The following LEPROTL1 variants were observed in gnomAD, a reference collection of about 807,000 sequenced individuals.
The protein encoded by LEPROTL1 is leptin receptor overlapping transcript like 1.
Under a neutral mutation model 15.4 loss-of-function variants are expected in LEPROTL1, and 6 were observed. That is an observed-to-expected ratio of 0.39 (90% CI 0.21 to 0.77). The LOEUF is 0.77. LEPROTL1 is among the 30% of genes least tolerant of loss of function. LEPROTL1 has a pLI of 0.41. For synonymous variants in LEPROTL1, 56 were observed against 52.6 expected (o/e 1.06, Z -0.28); for missense variants, 128 against 158.1 (o/e 0.81, Z 1.02).
chr8:30,132,068 G>C (rs144819499), intron 3 of LEPROTL1: 3 of 1,551,684 alleles, frequency 1.9e-6, no homozygotes, highest in Non-Finnish European at 2.6e-6. Flanking sequence ...TCCACAGCCA[G>C]CATGATGTAG....
In LEPROTL1 at chr8:30,108,058, A is replaced by C. The variant is rs2117491337; in HGVS notation, c.*2196A>C. The C allele has an allele frequency of 2.3e-6, 2 of 871,494 alleles. No homozygotes were observed. The highest frequency in any genetic ancestry group is 1.4e-6 in the Non-Finnish European group (1 of 726,340). The allele number at this position is 871,494 out of a possible 1,614,324, so 54.0% of individuals were successfully genotyped here. A position where few individuals can be genotyped will look rare whatever the true frequency, so the allele number is the denominator to read the frequency against. ...TTGATGATGAAACAATAAAGATTTT[A>C]AATATCTATTTTAGTTTGTGGGTGT... On this transcript the variant is annotated 3_prime_UTR_variant, in exon 4 of 4. Coordinates refer to ENST00000321250, the MANE Select transcript of LEPROTL1 (RefSeq NM_015344.3).
intron 3 of LEPROTL1, among the ~76,000 whole-genome samples, chr8:30,121,407 C>A (rs1441594539): frequency 6.6e-6 from 1 of 152,124 alleles, no homozygotes; most frequent in South Asian, 2.1e-4. Flanking sequence ...CACCCGCCAC[C>A]ACGCCAGGCT....
chr8:30,134,811 G>T (rs546185872), intron 4 of LEPROTL1, among the ~76,000 whole-genome samples: 1 of 152,112 alleles, frequency 6.6e-6, no homozygotes, highest in African/African-American at 2.4e-5. Flanking sequence ...GCCTCCCAAA[G>T]TGCTAGGATT....
At chr8:30,128,903 T>A (rs1039396215) in intron 3 of LEPROTL1, among the ~76,000 whole-genome samples, 10 of 152,054 alleles carry the variant, frequency 6.6e-5, no homozygotes, top group Non-Finnish European at 1.3e-4. Flanking sequence ...TTTCTTTTTT[T>A]TTTTTTGAGA....
At chr8:30,097,698 T>A (rs55882307) in intron 1 of LEPROTL1, among the ~76,000 whole-genome samples, 1 of 108,796 alleles carries the variant, frequency 9.2e-6, no homozygotes, top group Non-Finnish European at 1.8e-5. Context: ...TATATATATA[T>A]ACACACACAC....
Position 30,106,750 on chromosome 8 carries a change from A to G in LEPROTL1, c.*888A>G, listed in dbSNP as rs1802575502. ...TTCATGTTTTACCCTGTTAAAATGG[A>G]CATACATGGAACCACTACTGATGAG... On this transcript the variant is annotated 3_prime_UTR_variant, in exon 4 of 4. Coordinates refer to ENST00000321250, the MANE Select transcript of LEPROTL1 (RefSeq NM_015344.3). 1.0e-6 allele frequency: 1 copy of G among 985,028 alleles called. No individual in the cohort carries two copies. Among genetic ancestry groups the G allele is most frequent in the Non-Finnish European group, 1.2e-6 (1 of 829,188 alleles). The allele number at this position is 985,028 out of a possible 1,614,324, so 61.0% of individuals were successfully genotyped here.
At chr8:30,119,664 G>A (rs1173253862) in intron 3 of LEPROTL1, among the ~76,000 whole-genome samples, 6 of 152,108 alleles carry the variant, frequency 3.9e-5, no homozygotes, top group Admixed American at 3.3e-4. Context: ...GAGGTACTGG[G>A]GGTTAGGATA....
chr8:30,134,575 T>C (rs1803099139), intron 4 of LEPROTL1, among the ~76,000 whole-genome samples: 1 of 152,300 alleles, frequency 6.6e-6, no homozygotes, highest in South Asian at 2.1e-4. Context: ...AGAGTCTCAT[T>C]CTATGGCCCA....
chr8:30,134,540 T>C (rs1803098725), intron 4 of LEPROTL1, among the ~76,000 whole-genome samples: 1 of 152,152 alleles, frequency 6.6e-6, no homozygotes, highest in African/African-American at 2.4e-5. Flanking sequence ...TAAGTATCAT[T>C]TTCTTTTTTT....
At position 30,107,771 on chromosome 8, in the gene LEPROTL1, C is replaced by T. The variant is rs1389772521; in HGVS notation, c.*1909C>T. 1 of 985,168 alleles carries T rather than the reference C, an allele frequency of 1.0e-6. No homozygotes were observed. The highest frequency in any genetic ancestry group is 1.2e-6 in the Non-Finnish European group (1 of 829,908). 61.0% of individuals were successfully genotyped at this position (985,168 alleles called of 1,614,324 possible). A position where few individuals can be genotyped will look rare whatever the true frequency, so the allele number is the denominator to read the frequency against. ...ACTGGACTTTTTTTTGCAGGAAGTG[C>T]ATTCTCTGGTCCTTCCCTATTTTCT... is the stretch of plus-strand genomic sequence containing the variant. On this transcript the variant is annotated 3_prime_UTR_variant, in exon 4 of 4. Transcript: ENST00000321250.
At chr8:30,124,063 G>A (rs866789143) in intron 3 of LEPROTL1, among the ~76,000 whole-genome samples, 1 of 151,914 alleles carries the variant, frequency 6.6e-6, no homozygotes, top group African/African-American at 2.4e-5. Context: ...CACAAAGTTG[G>A]TGAGATTGTT....
intron 3 of LEPROTL1, chr8:30,131,996 C>A: frequency 6.4e-7 from 1 of 1,552,052 alleles, no homozygotes; most frequent in South Asian, 1.2e-5. Flanking sequence ...ATACAGTACA[C>A]CATGGGAAAG....
intron 3 of LEPROTL1, chr8:30,131,776 G>T: frequency 2.7e-6 from 2 of 739,454 alleles, no homozygotes; most frequent in Non-Finnish European, 2.1e-6. Context: ...AGAATAGCTT[G>T]CTAAAGTAGA....
intron 1 of LEPROTL1, among the ~76,000 whole-genome samples, chr8:30,101,696 G>T (rs531167879): frequency 1.5e-3 from 173 of 116,088 alleles, no homozygotes; most frequent in African/African-American, 4.4e-3. Context: ...AAAAAAAAAG[G>T]CCAGTGTCAC....
chr8:30,132,992 G>A (rs930290558), intron 4 of LEPROTL1: 89 of 1,346,250 alleles, frequency 6.6e-5, no homozygotes, highest in South Asian at 9.3e-5. Context: ...TGATCTCGCA[G>A]GAAATAGATA....
chr8:30,099,006 T>C (rs1802417787), intron 1 of LEPROTL1, among the ~76,000 whole-genome samples: 1 of 152,174 alleles, frequency 6.6e-6, no homozygotes, highest in Non-Finnish European at 1.5e-5. Context: ...CATACAGATC[T>C]TTGCTCAGGT....
chr8:30,130,344 A>G (rs1217904315), intron 3 of LEPROTL1, among the ~76,000 whole-genome samples: 1 of 152,204 alleles, frequency 6.6e-6, no homozygotes, highest in African/African-American at 2.4e-5. Context: ...CATCACTGCC[A>G]TTGCTTAGAA....
At chr8:30,120,721 G>A (rs919618119) in intron 3 of LEPROTL1, among the ~76,000 whole-genome samples, 1 of 152,098 alleles carries the variant, frequency 6.6e-6, no homozygotes, top group African/African-American at 2.4e-5. Context: ...TTTTAGAGAT[G>A]AAGTTTTGCC....
In LEPROTL1 at chr8:30,099,344, A is replaced by G. The variant is rs1416310491; in HGVS notation, c.17-2554A>G. Among the ~76,000 whole-genome samples the G allele has an allele frequency of 5.3e-5, 8 of 152,180 alleles. No individual in the cohort carries two copies. In the East Asian group the frequency reaches 1.5e-3, roughly 29 times the overall value. On this transcript the variant is annotated intron_variant, in intron 1 of 3. Transcript: ENST00000321250. Reference sequence around the variant, plus strand: ...TGCAGTGGCTCACGCCTATAATCCCAGCACTTTGGGAGGCCAAGGTGGGCA... The same window carrying G: ...TGCAGTGGCTCACGCCTATAATCCCGGCACTTTGGGAGGCCAAGGTGGGCA...
Sources: allele counts gnomAD v4.1 joint callset (sites outside exome capture counted in the v4.1 genomes callset), GRCh38; gene constraint gnomAD v4.1.1; transcripts MANE v1.5; gene names NCBI Gene and HGNC (gene_info 2026-07-23, HGNC 2026-07-21).